The following RABGEF1 variants were observed in gnomAD, a reference collection of about 807,000 sequenced individuals.
The protein encoded by RABGEF1 is RAB guanine nucleotide exchange factor 1, also known as rab5 GDP/GTP exchange factor.
In RABGEF1, 26 loss-of-function variants were observed where a neutral mutation model predicts 57.3. The ratio of observed to expected loss-of-function variants is 0.45; its 90% CI spans 0.33 to 0.63. RABGEF1 has a LOEUF of 0.63. Among genes scored for constraint, RABGEF1 ranks in the 20% least tolerant of loss-of-function variants. The pLI, the probability that RABGEF1 is intolerant of heterozygous loss-of-function variation, is 0.02. For missense variants in RABGEF1, 464 were observed against 607.6 expected (o/e 0.76, Z 2.48); for synonymous variants, 185 against 210.7 (o/e 0.88, Z 1.06).
intron 3 of RABGEF1, among the ~76,000 whole-genome samples, chr7:66,777,604 C>T (rs1461256156): frequency 6.6e-6 from 1 of 152,050 alleles, no homozygotes; most frequent in Non-Finnish European, 1.5e-5. Flanking sequence ...ATTTACAATT[C>T]AATGCAGAGT....
intron 2 of RABGEF1, among the ~76,000 whole-genome samples, chr7:66,717,647 C>T (rs1003908728): frequency 6.6e-6 from 1 of 152,122 alleles, no homozygotes; most frequent in African/African-American, 2.4e-5. Context: ...CAGCCTTGAC[C>T]TCCCCAGGCT....
At chr7:66,760,949 T>C (rs1339659664) in intron 1 of RABGEF1, among the ~76,000 whole-genome samples, 3 of 152,198 alleles carry the variant, frequency 2.0e-5, no homozygotes, top group Non-Finnish European at 4.4e-5. Flanking sequence ...GATTTTTGTA[T>C]TTATTAAGCG....
At chr7:66,662,987 C>A in the RABGEF1 span, among the ~76,000 whole-genome samples, 1 of 152,190 alleles carries the variant, frequency 6.6e-6, no homozygotes, top group Non-Finnish European at 1.5e-5. Flanking sequence ...CATAATGGCC[C>A]TAACGCCCAA....
intron 2 of RABGEF1, among the ~76,000 whole-genome samples, chr7:66,732,790 T>C (rs1363618527): frequency 6.6e-6 from 1 of 152,188 alleles, no homozygotes; most frequent in Non-Finnish European, 1.5e-5. Flanking sequence ...TCTCTCTTGC[T>C]GTCTCTCTCG....
chr7:66,663,121 G>A, the RABGEF1 span, among the ~76,000 whole-genome samples: 3 of 152,376 alleles, frequency 2.0e-5, no homozygotes, highest in South Asian at 2.1e-4. Context: ...TCTTAAGGGC[G>A]TGTTCCTGCT....
At position 66,809,172 on chromosome 7, in the gene RABGEF1, A is replaced by G. The variant is rs1383155851; in HGVS notation, c.1364A>G (p.Lys455Arg). Residue 455 changes from lysine (K) to arginine (R), a missense_variant, in exon 9 of 9, where the codon AAA (lysine) becomes AGA (arginine). Lys to Arg is a conservative substitution (Grantham distance 26, BLOSUM62 2). This residue lies in a region of RABGEF1 where 151 missense variants were observed against 152.2 expected (regional missense o/e 0.99). Transcript: ENST00000284957. ...AGAGAAGTTCAAGACATCGTTGAGAAATACCCACTGGAAATTAAGCCTCCG... is the reference window on the plus strand; with the variant it reads ...AGAGAAGTTCAAGACATCGTTGAGAGATACCCACTGGAAATTAAGCCTCCG... ...IAREVQDIVE[K>R]YPLEIKPPNQ... The G allele has an allele frequency of 7.4e-6, 12 of 1,614,232 alleles. No homozygotes were observed. Among genetic ancestry groups the G allele is most frequent in the Non-Finnish European group, 9.3e-6 (11 of 1,180,036 alleles).
At chr7:66,654,635 C>A in the RABGEF1 span, 3 of 152,536 alleles carry the variant, frequency 2.0e-5, no homozygotes, top group Non-Finnish European at 4.4e-5. Context: ...AGGTACGGAA[C>A]GGACGGACTG....
chr7:66,669,646 A>G, the RABGEF1 span: 1 of 152,216 alleles, frequency 6.6e-6, no homozygotes, highest in African/African-American at 2.4e-5. Context: ...CATTATCTCA[A>G]TGAGGCCCAC....
At chr7:66,714,500 T>C (rs1795132942) in intron 2 of RABGEF1, among the ~76,000 whole-genome samples, 1 of 152,218 alleles carries the variant, frequency 6.6e-6, no homozygotes, top group South Asian at 2.1e-4. Flanking sequence ...TTGGGAATTT[T>C]ACACATCTTT....
At chr7:66,718,492 TAA>T (rs1450528222) in intron 2 of RABGEF1, among the ~76,000 whole-genome samples, 5 of 152,196 alleles carry the variant, frequency 3.3e-5, no homozygotes, top group African/African-American at 1.2e-4. Flanking sequence ...ATATATTGGA[TAA>T]TTTTGAATTG....
At position 66,771,880 on chromosome 7, in the gene RABGEF1, C is replaced by A; in HGVS notation, c.-17-3C>A. Reference sequence around the variant, plus strand: ...TTTCAACAGCACTTTCTTGTTTGTTCAGTGGTTAGCAGGAAGAAGATGAGC... The same window carrying A: ...TTTCAACAGCACTTTCTTGTTTGTTAAGTGGTTAGCAGGAAGAAGATGAGC... On this transcript the variant is annotated splice_polypyrimidine_tract_variant and splice_region_variant and intron_variant, in intron 1 of 8. Coordinates refer to ENST00000284957, the MANE Select transcript of RABGEF1 (RefSeq NM_014504.3). 6.9e-7 allele frequency: 1 copy of A among 1,449,516 alleles called. No homozygotes were observed. The highest frequency in any genetic ancestry group is 1.5e-5 in the South Asian group (1 of 68,154). The allele number at this position is 1,449,516 out of a possible 1,614,324, so 89.8% of individuals were successfully genotyped here.
the RABGEF1 span, among the ~76,000 whole-genome samples, chr7:66,676,569 T>A: frequency 1.3e-5 from 2 of 152,170 alleles, no homozygotes; most frequent in Non-Finnish European, 2.9e-5. Context: ...TGAACTGTAT[T>A]CTCTCTCCCC....
chr7:66,684,568 T>C (rs1423598662), intron 1 of RABGEF1, among the ~76,000 whole-genome samples: 2 of 152,178 alleles, frequency 1.3e-5, no homozygotes, highest in African/African-American at 4.8e-5. Context: ...GATTCTCTTG[T>C]CTCAGCCTCC....
intron 1 of RABGEF1, among the ~76,000 whole-genome samples, chr7:66,742,911 G>A (rs1021205200): frequency 2.6e-5 from 4 of 152,136 alleles, no homozygotes; most frequent in Non-Finnish European, 5.9e-5. Context: ...CTGGAGGGTC[G>A]TTACTAAAGT....
chr7:66,726,359 G>A (rs1796582406), intron 2 of RABGEF1, among the ~76,000 whole-genome samples: 1 of 150,162 alleles, frequency 6.7e-6, no homozygotes, highest in Non-Finnish European at 1.5e-5. Flanking sequence ...GAGATTAGGA[G>A]GGATTTAAGC....
chr7:66,763,273 G>A (rs1351748570), intron 1 of RABGEF1, among the ~76,000 whole-genome samples: 2 of 152,220 alleles, frequency 1.3e-5, no homozygotes, highest in Admixed American at 6.5e-5. Context: ...CGGCCAGCCT[G>A]GGTTTTTATT....
At chr7:66,755,441 A>C (rs976673088) in intron 1 of RABGEF1, among the ~76,000 whole-genome samples, 4 of 152,142 alleles carry the variant, frequency 2.6e-5, no homozygotes, top group Non-Finnish European at 4.4e-5. Flanking sequence ...ATGCCACTGC[A>C]CTCTAGCCTG....
intron 1 of RABGEF1, among the ~76,000 whole-genome samples, chr7:66,741,539 C>T (rs1199256504): frequency 6.6e-6 from 1 of 152,104 alleles, no homozygotes. Context: ...GTGACCAATC[C>T]TTGCGGTTGG....
At chr7:66,778,648 A>T (rs1809118649) in intron 3 of RABGEF1, among the ~76,000 whole-genome samples, 2 of 152,236 alleles carry the variant, frequency 1.3e-5, no homozygotes, top group South Asian at 4.2e-4. Flanking sequence ...TTAGAAAGTA[A>T]ACCTATTATT....
Sources: allele counts gnomAD v4.1 joint callset (sites outside exome capture counted in the v4.1 genomes callset), GRCh38; gene constraint gnomAD v4.1.1; regional missense constraint gnomAD v4.1.1; transcripts MANE v1.5; gene names NCBI Gene and HGNC (gene_info 2026-07-23, HGNC 2026-07-21).